Variants in RALGPS2 observed in about 807,000 individuals in gnomAD.
RALGPS2 encodes the protein ras-specific guanine nucleotide-releasing factor RalGPS2.
Under a neutral mutation model 86.8 loss-of-function variants are expected in RALGPS2, and 43 were observed. The ratio of observed to expected loss-of-function variants is 0.50; its 90% CI spans 0.39 to 0.64. The LOEUF is 0.64. RALGPS2 is among the 30% of genes least tolerant of loss of function. The pLI, the probability that RALGPS2 is intolerant of heterozygous loss-of-function variation, is 0.00. For synonymous variants in RALGPS2, 243 were observed against 231.3 expected, an observed-to-expected ratio of 1.05 and a Z score of -0.46; for missense variants, 536 against 694.6, an observed-to-expected ratio of 0.77 and a Z score of 2.57.
intron 8 of RALGPS2, among the ~76,000 whole-genome samples, chr1:178,877,010 A>AG (rs1412048972): frequency 6.6e-6 from 1 of 152,176 alleles, no homozygotes. Context: ...AACAAATATT[A>AG]AATAATTTCC....
chr1:178,919,851 A>C lies in RALGPS2; in HGVS notation c.*3492A>C, dbSNP rs1660927276. The C allele has an allele frequency of 6.6e-6, 1 of 152,028 alleles. No homozygotes were observed. The highest frequency in any genetic ancestry group is 1.5e-5 in the Non-Finnish European group (1 of 67,888). 9.4% of individuals were successfully genotyped at this position (152,028 alleles called of 1,614,324 possible). A position where few individuals can be genotyped will look rare whatever the true frequency, so the allele number is the denominator to read the frequency against. On this transcript the variant is annotated 3_prime_UTR_variant, in exon 20 of 20. Transcript: ENST00000367635. Reference sequence around the variant, plus strand: ...AAGGGGTGCCAGTGTTGCCTAACAGAAGATAATCTTTAATAAAGCAAATCC... The same window carrying C: ...AAGGGGTGCCAGTGTTGCCTAACAGCAGATAATCTTTAATAAAGCAAATCC...
chr1:178,732,490 G>C (rs1309171142), intron 1 of RALGPS2, among the ~76,000 whole-genome samples: 1 of 152,012 alleles, frequency 6.6e-6, no homozygotes, highest in Non-Finnish European at 1.5e-5. Context: ...AGTAGAGACA[G>C]GGTTTCACCA....
At chr1:178,758,499 A>T in intron 1 of RALGPS2, among the ~76,000 whole-genome samples, 1 of 151,888 alleles carries the variant, frequency 6.6e-6, no homozygotes, top group African/African-American at 2.4e-5. Context: ...ATTCTTTCTA[A>T]CTGCTTTTTA....
intron 4 of RALGPS2, among the ~76,000 whole-genome samples, chr1:178,796,726 T>C (rs544522657): frequency 5.9e-5 from 9 of 152,186 alleles, no homozygotes; most frequent in Non-Finnish European, 1.0e-4. Flanking sequence ...CTACAAGATA[T>C]AAGGAAGCTC....
intron 8 of RALGPS2, among the ~76,000 whole-genome samples, chr1:178,841,741 T>G (rs1656620236): frequency 3.6e-5 from 2 of 56,296 alleles, no homozygotes; most frequent in African/African-American, 9.7e-5. Flanking sequence ...TGATTGTATA[T>G]CTAGAAAACC....
chr1:178,828,914 T>G (rs1355102806), intron 7 of RALGPS2, among the ~76,000 whole-genome samples: 2 of 152,204 alleles, frequency 1.3e-5, no homozygotes, highest in East Asian at 3.8e-4. Context: ...CAATCCCATT[T>G]CTGAGTATGT....
intron 19 of RALGPS2, among the ~76,000 whole-genome samples, chr1:178,914,770 T>G (rs1394173818): frequency 1.3e-5 from 2 of 152,202 alleles, no homozygotes; most frequent in Admixed American, 6.5e-5. Flanking sequence ...TAGTACCATT[T>G]TTAGCAACCT....
chr1:178,852,396 A>AT (rs1254410512), intron 8 of RALGPS2, among the ~76,000 whole-genome samples: 1 of 152,110 alleles, frequency 6.6e-6, no homozygotes, highest in Admixed American at 6.6e-5. Context: ...TTCAGTTAGT[A>AT]TTTGTTATGA....
At position 178,760,938 on chromosome 1, in the gene RALGPS2, C is replaced by T. The variant is rs111771584; in HGVS notation, c.-83-15744C>T. ...CAGGAGTGCCAATAATTTGTAGATT[C>T]GGTCAGTTTACATAATCCCATATTT... On this transcript the variant is annotated intron_variant, in intron 1 of 19. Coordinates refer to ENST00000367635, the MANE Select transcript of RALGPS2 (RefSeq NM_152663.5). 5.0e-3 allele frequency among the ~76,000 whole-genome samples: 756 copies of T among 150,818 alleles called. 7 individuals carry two copies. Among genetic ancestry groups the T allele is most frequent in the African/African-American group, 0.017 (684 of 41,076 alleles).
intron 19 of RALGPS2, among the ~76,000 whole-genome samples, chr1:178,911,948 A>G (rs909895009): frequency 6.6e-6 from 1 of 152,182 alleles, no homozygotes; most frequent in African/African-American, 2.4e-5. Context: ...TGAACCCTTT[A>G]TCATTATGTA....
At chr1:178,788,312 A>T (rs919971597) in intron 4 of RALGPS2, among the ~76,000 whole-genome samples, 2 of 152,208 alleles carry the variant, frequency 1.3e-5, no homozygotes, top group Non-Finnish European at 2.9e-5. Flanking sequence ...TGCCTATTTT[A>T]TGCAATTTAA....
intron 8 of RALGPS2, among the ~76,000 whole-genome samples, chr1:178,852,420 G>C (rs1183242182): frequency 1.3e-5 from 2 of 152,148 alleles, no homozygotes; most frequent in Non-Finnish European, 2.9e-5. Context: ...GTAGGCACTT[G>C]CATTTTATTT....
In RALGPS2 at chr1:178,853,697, A is replaced by G. The variant is rs752173203; in HGVS notation, c.607+20147A>G. ...CAAACTGTTTTCACACCATAACTGC[A>G]TTGGTCCATTGCTGTTTTCAGGTTT... On this transcript the variant is annotated intron_variant, in intron 8 of 19. Transcript: ENST00000367635. The G allele has an allele frequency of 2.5e-6, 4 of 1,613,186 alleles. No homozygotes were observed. The Admixed American group carries it at 5.0e-5, about 20-fold the overall frequency.
chr1:178,755,792 T>G (rs1377800073), intron 1 of RALGPS2, among the ~76,000 whole-genome samples: 3 of 152,202 alleles, frequency 2.0e-5, no homozygotes, highest in Admixed American at 2.0e-4. Flanking sequence ...GCTGTACTAT[T>G]TACATCCCCA....
intron 13 of RALGPS2, among the ~76,000 whole-genome samples, chr1:178,888,521 A>G (rs568387236): frequency 1.3e-5 from 2 of 152,282 alleles, no homozygotes; most frequent in African/African-American, 2.4e-5. Context: ...TCTGAGCTTC[A>G]TGCTTACATT....
intron 6 of RALGPS2, among the ~76,000 whole-genome samples, chr1:178,820,596 C>G (rs1314868316): frequency 6.6e-6 from 1 of 152,012 alleles, no homozygotes; most frequent in Non-Finnish European, 1.5e-5. Flanking sequence ...TTTATATAAC[C>G]CTATATATAC....
chr1:178,790,343 G>A (rs1173323063), intron 4 of RALGPS2, among the ~76,000 whole-genome samples: 1 of 152,112 alleles, frequency 6.6e-6, no homozygotes, highest in Non-Finnish European at 1.5e-5. Context: ...GCAGAAAAAT[G>A]TTTTTAAAAT....
intron 4 of RALGPS2, among the ~76,000 whole-genome samples, chr1:178,796,808 G>C (rs1318894202): frequency 6.6e-6 from 1 of 152,074 alleles, no homozygotes; most frequent in Non-Finnish European, 1.5e-5. Context: ...CCCTCCCTGT[G>C]CTTCCAAAAT....
At chr1:178,832,414 C>G (rs1282141738) in intron 7 of RALGPS2, among the ~76,000 whole-genome samples, 1 of 152,128 alleles carries the variant, frequency 6.6e-6, no homozygotes, top group Admixed American at 6.5e-5. Context: ...ATATTCTTAT[C>G]TCCAGAACCA....
Sources: allele counts gnomAD v4.1 joint callset (sites outside exome capture counted in the v4.1 genomes callset), GRCh38; gene constraint gnomAD v4.1.1; transcripts MANE v1.5; gene names NCBI Gene and HGNC (gene_info 2026-07-23, HGNC 2026-07-21).